The following AKAP6 variants were observed in gnomAD, a reference collection of about 807,000 sequenced individuals.
AKAP6 encodes the protein A-kinase anchoring protein 6.
In AKAP6, 58 loss-of-function variants were observed where a neutral mutation model predicts 188.5. The ratio of observed to expected loss-of-function variants is 0.31; its 90% CI spans 0.25 to 0.38. The LOEUF (loss-of-function observed/expected upper bound fraction) is 0.38, where lower values mean the gene tolerates loss of function less well. AKAP6 is among the 10% of genes least tolerant of loss of function. AKAP6 has a pLI of 1.00. For missense variants in AKAP6, 2,710 were observed against 2,740.0 expected, an observed-to-expected ratio of 0.99 and a Z score of 0.24; for synonymous variants, 989 against 998.6, an observed-to-expected ratio of 0.99 and a Z score of 0.18.
chr14:32,712,606 C>T (rs1327929315), intron 9 of AKAP6, among the ~76,000 whole-genome samples: 1 of 152,098 alleles, frequency 6.6e-6, no homozygotes, highest in Admixed American at 6.6e-5. Context: ...ACAGTGTTCA[C>T]AGCATTCTCA....
chr14:32,404,009 C>T (rs1026327855), intron 1 of AKAP6, among the ~76,000 whole-genome samples: 3 of 152,128 alleles, frequency 2.0e-5, no homozygotes, highest in African/African-American at 4.8e-5. Flanking sequence ...CAAGTTCTCA[C>T]GCTCTGAGGG....
chr14:32,770,497 G>T (rs1048388644), intron 11 of AKAP6, among the ~76,000 whole-genome samples: 1 of 152,124 alleles, frequency 6.6e-6, no homozygotes, highest in Non-Finnish European at 1.5e-5. Flanking sequence ...CTTAAAAATG[G>T]CAATAATGAA....
chr14:32,835,340 G>T lies in AKAP6; in HGVS notation c.*5535G>T, dbSNP rs1348406100. On this transcript the variant is annotated 3_prime_UTR_variant, in exon 14 of 14. Transcript: ENST00000280979. ...TTCATATTACCTTAAAAAATAAAGT[G>T]CACTTAAAGATTGTTTCACATCCAC... 6.6e-6 allele frequency: 1 copy of T among 151,758 alleles called. No homozygotes were observed. The highest frequency in any genetic ancestry group is 1.9e-4 in the East Asian group (1 of 5,176). The allele number at this position is 151,758 out of a possible 1,614,324, so 9.4% of individuals were successfully genotyped here. A position where few individuals can be genotyped will look rare whatever the true frequency, so the allele number is the denominator to read the frequency against.
intron 1 of AKAP6, among the ~76,000 whole-genome samples, chr14:32,398,844 G>GTTTTTTT (rs773955888): frequency 1.6e-5 from 1 of 60,976 alleles, no homozygotes; most frequent in African/African-American, 6.4e-5. Context: ...CTTTCTTCCT[G>GTTTTTTT]TTTTTTTTTT....
intron 11 of AKAP6, among the ~76,000 whole-genome samples, chr14:32,757,122 G>A (rs1321128119): frequency 2.0e-5 from 3 of 152,178 alleles, no homozygotes; most frequent in Non-Finnish European, 2.9e-5. Context: ...CTTGGGGAAG[G>A]AGAGACAGCT....
chr14:32,435,464 T>C (rs1408006565), intron 2 of AKAP6, among the ~76,000 whole-genome samples: 3 of 152,208 alleles, frequency 2.0e-5, no homozygotes, highest in African/African-American at 4.8e-5. Context: ...ACAATTAACA[T>C]AGGGTTATAT....
chr14:32,759,082 C>T (rs1254126175), intron 11 of AKAP6, among the ~76,000 whole-genome samples: 1 of 152,100 alleles, frequency 6.6e-6, no homozygotes, highest in African/African-American at 2.4e-5. Context: ...AGACATAAAT[C>T]ATTATTCCCA....
intron 9 of AKAP6, among the ~76,000 whole-genome samples, chr14:32,724,550 A>T (rs2030744934): frequency 6.6e-6 from 1 of 152,208 alleles, no homozygotes; most frequent in Admixed American, 6.5e-5. Flanking sequence ...TTGCTACAAA[A>T]TTGCATTGAG....
At chr14:32,699,993 C>G (rs1042774057) in intron 9 of AKAP6, among the ~76,000 whole-genome samples, 1 of 152,192 alleles carries the variant, frequency 6.6e-6, no homozygotes, top group Non-Finnish European at 1.5e-5. Flanking sequence ...TTAAAACCCA[C>G]TTGTGAAGGA....
intron 11 of AKAP6, among the ~76,000 whole-genome samples, chr14:32,741,266 T>G (rs2139863384): frequency 6.6e-6 from 1 of 152,112 alleles, no homozygotes; most frequent in Non-Finnish European, 1.5e-5. Flanking sequence ...TGAATAGGTT[T>G]TTTAGGAGTC....
intron 12 of AKAP6, among the ~76,000 whole-genome samples, chr14:32,811,819 G>A (rs763589310): frequency 2.0e-5 from 3 of 152,108 alleles, no homozygotes; most frequent in Non-Finnish European, 4.4e-5. Flanking sequence ...AGCTCTCCTT[G>A]TACCTTCGAC....
intron 7 of AKAP6, among the ~76,000 whole-genome samples, chr14:32,607,959 CAG>C (rs1290706016): frequency 6.6e-6 from 1 of 152,034 alleles, no homozygotes; most frequent in African/African-American, 2.4e-5. Context: ...TTTTGAAAGA[CAG>C]AAACAAAAGT....
rs1357707523 is a variant in AKAP6 at position 32,546,274 on chromosome 14, A to G, written c.1621A>G (p.Ile541Val). The part of the protein sequence containing the change: ...NGELSYTSKA[I>V]EGPQTNSAST... ...AGAGCTTTCTTATACTTCCAAGGCC[A>G]TAGAGGGGCCACAAACAAATTCTGC... Residue 541 changes from isoleucine (I) to valine (V), a missense_variant, in exon 4 of 14, where the codon ATA becomes GTA. Coordinates refer to ENST00000280979, the MANE Select transcript of AKAP6 (RefSeq NM_004274.5). 1.9e-6 allele frequency: 3 copies of G among 1,614,060 alleles called. No homozygotes were observed. Among genetic ancestry groups the G allele is most frequent in the African/African-American group, 1.3e-5 (1 of 74,924 alleles).
rs536655726 is a variant in AKAP6, at chr14:32,677,110, A to C, written c.2731-1201A>C. Among the ~76,000 whole-genome samples the C allele has an allele frequency of 2.1e-4, 32 of 152,334 alleles. 2 individuals are homozygous for C. Among genetic ancestry groups the C allele is most frequent in the Middle Eastern group, 6.8e-3 (2 of 294 alleles). On this transcript the variant is annotated intron_variant, in intron 7 of 13. Coordinates refer to ENST00000280979, the MANE Select transcript of AKAP6 (RefSeq NM_004274.5). ...CAAAGTGCTGGGATTGCAGGCATGC[A>C]TCACCGCACCCGGCCTGCAAGACCT... is the stretch of plus-strand genomic sequence containing the variant.
rs375076849 is a variant in AKAP6 at position 32,335,842 on chromosome 14, C to CTTTTTTTTTTTTT, written c.-35+6445_-35+6457dup. 4.6e-4 allele frequency among the ~76,000 whole-genome samples: 43 copies of CTTTTTTTTTTTTT among 93,996 alleles called. 1 individual carries two copies. Among genetic ancestry groups the CTTTTTTTTTTTTT allele is most frequent in the Non-Finnish European group, 6.0e-4 (29 of 48,392 alleles). 61.7% of individuals were successfully genotyped at this position (93,996 alleles called of 152,430 possible). A position where few individuals can be genotyped will look rare whatever the true frequency, so the allele number is the denominator to read the frequency against. The stretch of plus-strand genomic sequence containing the variant: ...TTTTTTTTAATACTATCCTTTTCTC[C>CTTTTTTTTTTTTT]TTTTTTTTTTTTTTTTTTTTTTTAA... On this transcript the variant is annotated intron_variant, in intron 1 of 13. Coordinates refer to ENST00000280979, the MANE Select transcript of AKAP6 (RefSeq NM_004274.5).
chr14:32,548,529 AATAGATAG>A (rs71115083), intron 4 of AKAP6, among the ~76,000 whole-genome samples: 25,609 of 142,396 alleles, frequency 0.18, 2,360 homozygotes, highest in South Asian at 0.27. Context: ...CTCAAGCTAA[AATAGATAG>A]ATAGATAGAT....
At chr14:32,341,172 A>G (rs1481919861) in intron 1 of AKAP6, among the ~76,000 whole-genome samples, 1 of 152,192 alleles carries the variant, frequency 6.6e-6, no homozygotes, top group Admixed American at 6.5e-5. Flanking sequence ...CTTATCTTGC[A>G]AATTTGTGTT....
At chr14:32,510,479 T>TATATGTATATATATATATAC (rs1881196568) in intron 2 of AKAP6, among the ~76,000 whole-genome samples, 1 of 97,874 alleles carries the variant, frequency 1.0e-5, no homozygotes, top group South Asian at 2.6e-4. Flanking sequence ...TATATATACA[T>TATATGTATATATATATATAC]ATATATATGT....
At chr14:32,482,625 G>C (rs1454346489) in intron 2 of AKAP6, among the ~76,000 whole-genome samples, 1 of 152,022 alleles carries the variant, frequency 6.6e-6, no homozygotes, top group Non-Finnish European at 1.5e-5. Flanking sequence ...GTATTCCAAG[G>C]GCCTGGAAAA....
Sources: gnomAD v4.1 joint callset for allele counts (sites outside exome capture counted in the v4.1 genomes callset) on GRCh38, gnomAD v4.1.1 for gene constraint, MANE v1.5 for transcripts, NCBI Gene and HGNC (gene_info 2026-07-23, HGNC 2026-07-21) for gene names.